ATP9A: variants seen among roughly 807,000 people sequenced by gnomAD.
ATP9A encodes probable phospholipid-transporting ATPase IIA.
In ATP9A, 52 loss-of-function variants were observed where a neutral mutation model predicts 144.1. The ratio of observed to expected loss-of-function variants is 0.36; its 90% CI spans 0.29 to 0.45. The LOEUF (loss-of-function observed/expected upper bound fraction) is 0.45, where lower values mean the gene tolerates loss of function less well. Ranked by LOEUF, ATP9A falls within the 20% of genes least tolerant of loss-of-function variation. The pLI is 1.00. For synonymous variants in ATP9A, 582 were observed against 557.4 expected (o/e 1.04, Z -0.62); for missense variants, 947 against 1,392.7 (o/e 0.68, Z 5.09).
intron 27 of ATP9A, among the ~76,000 whole-genome samples, chr20:51,603,498 C>T (rs922078835): frequency 4.6e-5 from 7 of 152,022 alleles, no homozygotes; most frequent in Admixed American, 1.3e-4. Flanking sequence ...TGTCAGCACC[C>T]GATGGGGTCC....
intron 19 of ATP9A, among the ~76,000 whole-genome samples, chr20:51,621,117 A>T (rs2077225157): frequency 6.7e-6 from 1 of 149,086 alleles, no homozygotes; most frequent in Non-Finnish European, 1.5e-5. Context: ...ACTGCACCCC[A>T]GCCTGGGTGA....
At chr20:51,651,866 T>C (rs1238994591) in intron 14 of ATP9A, among the ~76,000 whole-genome samples, 3 of 152,030 alleles carry the variant, frequency 2.0e-5, no homozygotes, top group South Asian at 2.1e-4. Context: ...GAGGCGGAGA[T>C]TGCAGTGAGC....
intron 22 of ATP9A, among the ~76,000 whole-genome samples, chr20:51,616,998 G>A (rs1395553390): frequency 1.3e-5 from 2 of 148,888 alleles, no homozygotes; most frequent in Admixed American, 1.3e-4. Context: ...CTGGAGTGCA[G>A]TGGCGCAATC....
At position 51,694,010 on chromosome 20, in the gene ATP9A, C is replaced by T. The variant is rs769835554; in HGVS notation, c.640G>A (p.Ala214Thr). The change falls in exon 7 of 28, where the codon GCC becomes ACC. Residue 214 changes from alanine to threonine, a missense_variant and splice_region_variant. By Grantham distance (58) the Ala-to-Thr change is moderately conservative (BLOSUM62 0). This residue lies in a region of ATP9A where 770 missense variants were observed against 1,047.9 expected (regional missense o/e 0.73). Transcript: ENST00000338821. ...VACTQRLPTA[A>T]DLLQIRSYVY... ...CTTCTGCAGGGAAAGCTACTCACGG[C>T]GGCCGTGGGGAGCCTCTGCGTGCAG... 2.5e-6 allele frequency: 4 copies of T among 1,612,410 alleles called. No individual in the cohort carries two copies. Among genetic ancestry groups the T allele is most frequent in the Non-Finnish European group, 2.5e-6 (3 of 1,179,122 alleles).
Position 51,757,184 on chromosome 20 carries a change from C to T in ATP9A, c.68+11118G>A, listed in dbSNP as rs138147511. Among the ~76,000 whole-genome samples the T allele has an allele frequency of 2.3e-3, 357 of 152,166 alleles. 3 individuals are homozygous for T. Among genetic ancestry groups the T allele is most frequent in the African/African-American group, 8.2e-3 (341 of 41,518 alleles). ...CATCAAACCCAAAATATCGGCCAGG[C>T]GCAGCATATTTTTAGTAGAGACAGG... On this transcript the variant is annotated intron_variant, in intron 1 of 27. Coordinates refer to ENST00000338821, the MANE Select transcript of ATP9A (RefSeq NM_006045.3).
chr20:51,674,050 CAGA>C, intron 11 of ATP9A, 100 bp downstream of exon 11: 1 of 1,377,248 alleles, frequency 7.3e-7, no homozygotes, highest in Non-Finnish European at 9.7e-7. Context: ...AACTCCATCT[CAGA>C]AAACAATAAT....
At chr20:51,681,708 C>T (rs1190610801) in intron 9 of ATP9A, among the ~76,000 whole-genome samples, 1 of 152,150 alleles carries the variant, frequency 6.6e-6, no homozygotes, top group African/African-American at 2.4e-5. Flanking sequence ...AGGCGTGAGC[C>T]ACCGCGCCCA....
In ATP9A at chr20:51,618,798, G is replaced by C; in HGVS notation, c.2214C>G (p.Leu738=). 1 of 1,591,890 alleles carries C rather than the reference G, an allele frequency of 6.3e-7. No individual in the cohort carries two copies. Among genetic ancestry groups the C allele is most frequent in the South Asian group, 1.1e-5 (1 of 87,856 alleles). The change falls in exon 21 of 28, where the codon CTC becomes CTG. Residue 738 remains leucine (L), a synonymous_variant. Coordinates refer to ENST00000338821, the MANE Select transcript of ATP9A (RefSeq NM_006045.3). ...CCATGAACTCGTACTCATAGTACTT[G>C]AGGCAAACCTGCAGGGTGGAGGGAG... ...VISGDSLEVC[L]KYYEYEFMEL... is the part of the protein sequence containing the mutation.
chr20:51,725,814 C>T lies in ATP9A; in HGVS notation c.327+5G>A. 6.4e-7 allele frequency: 1 copy of T among 1,572,778 alleles called. No individual in the cohort carries two copies. Among genetic ancestry groups the T allele is most frequent in the East Asian group, 2.2e-5 (1 of 44,688 alleles). ...TTACTGAACAAACAATGCCGATTAA[C>T]TTACCAGGGGAACCCAGTAGGTATA... On this transcript the variant is annotated splice_donor_5th_base_variant and intron_variant, in intron 3 of 27. Transcript: ENST00000338821.
intron 1 of ATP9A, among the ~76,000 whole-genome samples, chr20:51,747,407 G>T (rs372555706): frequency 6.6e-6 from 1 of 152,030 alleles, no homozygotes; most frequent in African/African-American, 2.4e-5. Flanking sequence ...GCAACACCCC[G>T]GAAATGACAA....
chr20:51,752,260 A>G (rs559042147), intron 1 of ATP9A, among the ~76,000 whole-genome samples: 23 of 152,216 alleles, frequency 1.5e-4, no homozygotes, highest in South Asian at 8.3e-4. Flanking sequence ...CAATGACAGT[A>G]CCTAGTATTG....
intron 2 of ATP9A, among the ~76,000 whole-genome samples, chr20:51,726,725 T>G (rs2077715064): frequency 6.6e-6 from 1 of 151,892 alleles, no homozygotes; most frequent in East Asian, 1.9e-4. Flanking sequence ...ACCACAAGCA[T>G]GCACCACCAT....
chr20:51,683,903 AGT>A lies in ATP9A; in HGVS notation c.799+5159_799+5160del, dbSNP rs781475846. 2.7e-4 allele frequency among the ~76,000 whole-genome samples: 41 copies of A among 152,326 alleles called. 1 individual carries two copies. The highest frequency in any genetic ancestry group is 3.4e-3 in the Middle Eastern group (1 of 294). ...CTATATAAACACTCCAAAAAAAGTCAGTGGATATTTTTATAATTTTAGAGCAG... is the reference window on the plus strand; with the variant it reads ...CTATATAAACACTCCAAAAAAAGTCAGGATATTTTTATAATTTTAGAGCAG... On this transcript the variant is annotated intron_variant, in intron 9 of 27. Transcript: ENST00000338821.
rs2077733431 is a variant in ATP9A, at chr20:51,729,973, C to T, written c.74G>A (p.Cys25Tyr). 5.2e-6 allele frequency: 8 copies of T among 1,541,210 alleles called. No individual in the cohort carries two copies. Among genetic ancestry groups the T allele is most frequent in the Non-Finnish European group, 7.0e-6 (8 of 1,149,370 alleles). The change falls in exon 2 of 28, where the codon TGC becomes TAC. Residue 25 changes from cysteine to tyrosine, a missense_variant. This residue lies in a region of ATP9A where 770 missense variants were observed against 1,047.9 expected (regional missense o/e 0.73). Transcript: ENST00000338821. ...TCCACCGCAGCATCTCAGCCACTCG[C>T]AGCACCTGTGGGAAAGAAACCCACG... ...RMDSRPRAGC[C>Y]EWLRCCGGGE...
chr20:51,601,255 G>A lies in ATP9A; in HGVS notation c.3100C>T (p.Arg1034Ter). ...TAGCTGGGGGGAGAGAACCGTCTTC[G>A]CAGGTACTTGAGGACATAGAGGGGG... ...CLPLYVLKYL[R>*]RRFSPPSYSK... is the part of the protein sequence containing the mutation. The change falls in exon 28 of 28, where the codon CGA (arginine) becomes TGA (stop). Residue 1034 changes from arginine to a stop codon, truncating the protein, a stop_gained. Coordinates refer to ENST00000338821, the MANE Select transcript of ATP9A (RefSeq NM_006045.3). LOFTEE classifies it high-confidence loss of function. The A allele has an allele frequency of 1.2e-6, 2 of 1,613,718 alleles. No individual in the cohort carries two copies. The highest frequency in any genetic ancestry group is 1.7e-6 in the Non-Finnish European group (2 of 1,179,822).
At chr20:51,659,407 T>G (rs1202325283) in intron 13 of ATP9A, among the ~76,000 whole-genome samples, 1 of 152,240 alleles carries the variant, frequency 6.6e-6, no homozygotes. Context: ...GCTGAACAAT[T>G]AAATTAATAA....
At position 51,643,838 on chromosome 20, in the gene ATP9A, T is replaced by A. The variant is rs370472976; in HGVS notation, c.1507-4334A>T. Among the ~76,000 whole-genome samples, 17 of 152,236 alleles carry A rather than the reference T, an allele frequency of 1.1e-4. 2 individuals are homozygous for A. The highest frequency in any genetic ancestry group is 3.9e-4 in the East Asian group (2 of 5,182). On this transcript the variant is annotated intron_variant, in intron 14 of 27. Transcript: ENST00000338821. The stretch of plus-strand genomic sequence containing the variant: ...ATTAACAAATCAGTAATGATTCGCA[T>A]ATATAAAATCATACCAGCCAGGTGC...
chr20:51,691,750 C>T (rs2122819828), intron 7 of ATP9A, among the ~76,000 whole-genome samples: 1 of 152,174 alleles, frequency 6.6e-6, no homozygotes, highest in South Asian at 2.1e-4. Flanking sequence ...GGCTATATAC[C>T]CAAAAGAAAT....
rs759503719 is a variant in ATP9A at position 51,618,970 on chromosome 20, G to A, written c.2189C>T (p.Ser730Leu). The stretch of plus-strand genomic sequence containing the variant: ...CAAGCTCACCTCCAGGGAGTCTCCC[G>A]AGATGACCAGGGCACAATCATGCTT... ...RRKHDCALVI[S>L]GDSLEVCLKY... is the part of the protein sequence containing the mutation. Residue 730 changes from serine (S) to leucine (L), a missense_variant, in exon 20 of 28, where the codon TCG becomes TTG. By Grantham distance (145) the Ser-to-Leu change is moderately radical (BLOSUM62 -2). This residue lies in a region of ATP9A where 770 missense variants were observed against 1,047.9 expected (regional missense o/e 0.73). Coordinates refer to ENST00000338821, the MANE Select transcript of ATP9A (RefSeq NM_006045.3). 92 of 1,614,014 alleles carry A rather than the reference G, an allele frequency of 5.7e-5. No individual in the cohort carries two copies. In the South Asian group the frequency reaches 9.1e-4, roughly 16 times the overall value.
Sources: allele counts gnomAD v4.1 joint callset (sites outside exome capture counted in the v4.1 genomes callset), GRCh38; gene constraint gnomAD v4.1.1; regional missense constraint gnomAD v4.1.1; transcripts MANE v1.5; gene names NCBI Gene and HGNC (gene_info 2026-07-23, HGNC 2026-07-21).